TP73: variants seen among roughly 807,000 people sequenced by gnomAD.
The protein encoded by TP73 is tumor protein p73, also known as p53-like transcription factor.
Under a neutral mutation model 62.5 loss-of-function variants are expected in TP73, and 25 were observed. The ratio of observed to expected loss-of-function variants is 0.40; its 90% confidence interval spans 0.29 to 0.56. The LOEUF is 0.56. Ranked by LOEUF, TP73 falls within the 20% of genes least tolerant of loss-of-function variation. The pLI, the probability that TP73 is intolerant of heterozygous loss-of-function variation, is 0.46. For synonymous variants in TP73, 423 were observed against 377.5 expected (o/e 1.12, Z -1.40); for missense variants, 754 against 913.3 (o/e 0.83, Z 2.25).
In TP73 at chr1:3,706,836, C is replaced by T. The variant is rs926635693; in HGVS notation, c.187-713C>T. Among the ~76,000 whole-genome samples the T allele has an allele frequency of 4.6e-5, 7 of 152,098 alleles. No individual in the cohort carries two copies. In the East Asian group the frequency reaches 7.7e-4, roughly 17 times the overall value. On this transcript the variant is annotated intron_variant, in intron 3 of 13. Transcript: ENST00000378295. ...GTGTGTGGTCCTGGCGGGGGAGCTGCGGGTAGGGGCCTAACGAGAGAACCC... is the reference window on the plus strand; with the variant it reads ...GTGTGTGGTCCTGGCGGGGGAGCTGTGGGTAGGGGCCTAACGAGAGAACCC...
Position 3,732,909 on chromosome 1 carries a change from C to G in TP73, c.1741C>G (p.Arg581Gly). ...IGGSGELQRQ[R>G]VMEAVHFRVR... ...CGGCTCAGGGGAACTGCAGCGCCAG[C>G]GGGTCATGGAGGCCGTGCACTTCCG... The change falls in exon 14 of 14, where the codon CGG (arginine) becomes GGG (glycine). Residue 581 changes from arginine (R) to glycine (G), a missense_variant. Arg to Gly is a moderately radical substitution (Grantham distance 125). Coordinates refer to ENST00000378295, the MANE Select transcript of TP73 (RefSeq NM_005427.4). 5 of 1,610,962 alleles carry G rather than the reference C, an allele frequency of 3.1e-6. No individual in the cohort carries two copies. Among genetic ancestry groups the G allele is most frequent in the Non-Finnish European group, 4.2e-6 (5 of 1,179,502 alleles).
intron 1 of TP73, among the ~76,000 whole-genome samples, chr1:3,660,233 C>T (rs778172242): frequency 1.3e-5 from 2 of 152,196 alleles, no homozygotes; most frequent in Non-Finnish European, 2.9e-5. Flanking sequence ...AGGTTCCCAA[C>T]GTATTCTTGA....
At position 3,663,134 on chromosome 1, in the gene TP73, C is replaced by T. The variant is rs1645033067; in HGVS notation, c.-34+10493C>T. Among the ~76,000 whole-genome samples, 1 of 152,190 alleles carries T rather than the reference C, an allele frequency of 6.6e-6. No homozygotes were observed. The highest frequency in any genetic ancestry group is 1.5e-5 in the Non-Finnish European group (1 of 68,042). On this transcript the variant is annotated intron_variant, in intron 1 of 13. Transcript: ENST00000378295. This position sits in a 1 kb window ranked among gnomAD's most constrained non-coding sequence, Gnocchi z 4.7. ...CAATTCATGCCACCAAGATCAGCTG[C>T]AGGCCGGGCCACCCATGCCTGAGGG...
At chr1:3,692,121 G>A (rs1380889497) in intron 3 of TP73, among the ~76,000 whole-genome samples, 1 of 152,212 alleles carries the variant, frequency 6.6e-6, no homozygotes, top group Non-Finnish European at 1.5e-5. Context: ...GTGTTGTGGT[G>A]TGTGTACGTG....
chr1:3,692,198 T>A (rs961926911), intron 3 of TP73, among the ~76,000 whole-genome samples: 6 of 152,094 alleles, frequency 3.9e-5, no homozygotes, highest in African/African-American at 1.4e-4. Context: ...TGTGTCCGTA[T>A]GTGTGTTGCG....
chr1:3,709,862 C>T (rs938756175), intron 4 of TP73, among the ~76,000 whole-genome samples: 2 of 152,192 alleles, frequency 1.3e-5, no homozygotes, highest in African/African-American at 4.8e-5. Context: ...GGGGTCTTCA[C>T]CATGCTTGGA....
At chr1:3,674,400 C>T (rs74416038) in intron 1 of TP73, among the ~76,000 whole-genome samples, 3,779 of 152,346 alleles carry the variant, frequency 0.025, 65 homozygotes, top group Non-Finnish European at 0.038. Context: ...TGTCTTTCAT[C>T]CCCATGCTGG....
intron 4 of TP73, among the ~76,000 whole-genome samples, chr1:3,721,383 A>G (rs1157283604): frequency 6.6e-6 from 1 of 152,226 alleles, no homozygotes; most frequent in African/African-American, 2.4e-5. Context: ...GCCAAGACCA[A>G]GCCACACAGC....
chr1:3,656,021 C>CA (rs1443861269), intron 1 of TP73, among the ~76,000 whole-genome samples: 1 of 152,086 alleles, frequency 6.6e-6, no homozygotes, highest in Non-Finnish European at 1.5e-5. Flanking sequence ...ACTAAAAATA[C>CA]AAAAAATTAG....
At chr1:3,668,455 A>G (rs1274988577) in intron 1 of TP73, among the ~76,000 whole-genome samples, 2 of 152,072 alleles carry the variant, frequency 1.3e-5, no homozygotes, top group African/African-American at 4.8e-5. Flanking sequence ...GACCAGCATT[A>G]AAGATTCAGA....
chr1:3,707,802 CT>C lies in TP73; in HGVS notation c.429+12del. On this transcript the variant is annotated intron_variant, in intron 4 of 13. Transcript: ENST00000378295. ...TCAGCCACCTGGACGGTGAGTTCCC[CT>C]AGTCCCTGAGGGCTGCGGGCTGCGG... The C allele has an allele frequency of 6.2e-7, 1 of 1,610,894 alleles. No individual in the cohort carries two copies. The highest frequency in any genetic ancestry group is 1.7e-5 in the Admixed American group (1 of 59,928).
chr1:3,661,643 C>T (rs1644989017), intron 1 of TP73, among the ~76,000 whole-genome samples: 1 of 151,002 alleles, frequency 6.6e-6, no homozygotes, highest in African/African-American at 2.4e-5. Context: ...CAGGGAGATT[C>T]ATGCCACAGT....
In TP73 at chr1:3,699,394, A is replaced by C. The variant is rs903365067; in HGVS notation, c.187-8155A>C. ...AAAAAACCACAACAGTCTGGTCTCA[A>C]TATTCTCCAGGGAACGAGGACACGG... On this transcript the variant is annotated intron_variant, in intron 3 of 13. Coordinates refer to ENST00000378295, the MANE Select transcript of TP73 (RefSeq NM_005427.4). This position sits in a 1 kb window ranked among gnomAD's most constrained non-coding sequence, Gnocchi z 4.1. 6.6e-6 allele frequency among the ~76,000 whole-genome samples: 1 copy of C among 152,154 alleles called. No homozygotes were observed. Among genetic ancestry groups the C allele is most frequent in the East Asian group, 1.9e-4 (1 of 5,196 alleles).
In TP73 at chr1:3,728,174, TGAA is replaced by T. The variant is rs755720136; in HGVS notation, c.1036_1038del (p.Lys346del). 3.1e-6 allele frequency: 5 copies of T among 1,611,916 alleles called. No individual in the cohort carries two copies. The East Asian group carries it at 6.7e-5, about 22-fold the overall frequency. On this transcript the variant is annotated inframe_deletion, in exon 9 of 14. Coordinates refer to ENST00000378295, the MANE Select transcript of TP73 (RefSeq NM_005427.4). ...GCCGTCCCCGCCCTTGGTGCCGGTG[TGAA>T]GAAGCGGCGGCATGGAGACGAGGAC...
chr1:3,680,342 G>A (rs1645491514), intron 1 of TP73, among the ~76,000 whole-genome samples: 1 of 152,216 alleles, frequency 6.6e-6, no homozygotes, highest in African/African-American at 2.4e-5. Context: ...CAGCTACCAG[G>A]AATGGTGCTG....
At chr1:3,725,207 G>C (rs1320735258) in intron 6 of TP73, among the ~76,000 whole-genome samples, 1 of 152,048 alleles carries the variant, frequency 6.6e-6, no homozygotes, top group African/African-American at 2.4e-5. Context: ...CCAGCATCTG[G>C]GCTTGACCTC....
At chr1:3,678,582 C>T (rs1645429659) in intron 1 of TP73, among the ~76,000 whole-genome samples, 1 of 152,242 alleles carries the variant, frequency 6.6e-6, no homozygotes. Flanking sequence ...GGTTCAAGTT[C>T]CTCCGTGTGC....
intron 1 of TP73, among the ~76,000 whole-genome samples, chr1:3,664,094 C>T (rs966588608): frequency 4.6e-5 from 7 of 152,216 alleles, no homozygotes; most frequent in Non-Finnish European, 7.3e-5. Flanking sequence ...GTGGCACTGG[C>T]AGACTTGAGG....
intron 1 of TP73, among the ~76,000 whole-genome samples, chr1:3,661,722 G>GTATA (rs3034606): frequency 2.3e-4 from 33 of 141,488 alleles, no homozygotes; most frequent in Admixed American, 2.0e-3. Flanking sequence ...TGTATTTTGT[G>GTATA]TATATATATA....
Sources: gnomAD v4.1 joint callset for allele counts (sites outside exome capture counted in the v4.1 genomes callset) on GRCh38, gnomAD v4.1.1 for gene constraint, Gnocchi (gnomAD v3.1) non-coding constraint, MANE v1.5 for transcripts, NCBI Gene and HGNC (gene_info 2026-07-23, HGNC 2026-07-21) for gene names.